Variants in GPC3 observed in about 807,000 individuals in gnomAD.
GPC3 encodes the protein glypican-3.
GPC3 carries 3 observed loss-of-function variants against 34.4 expected under a neutral mutation model. The observed-to-expected ratio is 0.09, with a 90% CI of 0.04 to 0.23. GPC3 has a LOEUF of 0.23. Among genes scored for constraint, GPC3 ranks in the 10% least tolerant of loss-of-function variants. GPC3 has a pLI of 1.00. For synonymous variants in GPC3, 177 were observed against 174.0 expected (o/e 1.02, Z -0.13); for missense variants, 351 against 445.6 (o/e 0.79, Z 1.91).
At chrX:133,909,992 A>G (rs1283346971) in intron 2 of GPC3, among the ~76,000 whole-genome samples, 2 of 111,858 alleles carry the variant, frequency 1.8e-5, no homozygotes, top group Non-Finnish European at 3.8e-5. Context: ...TACTATGCCC[A>G]AAATGATTAA....
chrX:133,823,174 G>GA (rs1350764005), intron 2 of GPC3, among the ~76,000 whole-genome samples: 1 of 57,142 alleles, frequency 1.8e-5, no homozygotes, highest in Admixed American at 2.1e-4. Flanking sequence ...AAACTGGCTG[G>GA]AAAAATGTCA....
intron 2 of GPC3, among the ~76,000 whole-genome samples, chrX:133,868,241 GCA>G (rs1419591862): frequency 8.9e-6 from 1 of 111,822 alleles, no homozygotes; most frequent in Admixed American, 9.5e-5. Context: ...AGAGCCCAAA[GCA>G]CTCACCCTAG....
intron 2 of GPC3, among the ~76,000 whole-genome samples, chrX:133,893,030 C>T (rs184681262): frequency 3.6e-5 from 4 of 111,336 alleles, no homozygotes; most frequent in African/African-American, 9.8e-5. Context: ...CCAAGGCGGG[C>T]GGATCATCTG....
chrX:133,668,183 A>T (rs2070788229), intron 5 of GPC3, among the ~76,000 whole-genome samples: 1 of 111,299 alleles, frequency 9.0e-6, no homozygotes, highest in Non-Finnish European at 1.9e-5. Flanking sequence ...CTGGGATTAT[A>T]GGCATGAGCC....
intron 6 of GPC3, among the ~76,000 whole-genome samples, chrX:133,622,251 C>T (rs1262910147): frequency 8.9e-6 from 1 of 112,050 alleles, no homozygotes; most frequent in Non-Finnish European, 1.9e-5. Context: ...CACCTCCTCT[C>T]CTCCAAAGGA....
At chrX:133,727,550 C>CAA (rs370410324) in intron 3 of GPC3, among the ~76,000 whole-genome samples, 2,269 of 99,455 alleles carry the variant, frequency 0.023, 72 homozygotes, top group African/African-American at 0.077. Context: ...AACACTGTCT[C>CAA]AAAAAAAAAA....
Position 133,559,754 on chromosome X carries a change from C to T in GPC3, c.1574-23461G>A, listed in dbSNP as rs17277749. Among the ~76,000 whole-genome samples the T allele has an allele frequency of 6.2e-3, 690 of 112,008 alleles. 10 individuals carry two copies. The East Asian group carries it at 0.086, about 14-fold the overall frequency. On this transcript the variant is annotated intron_variant, in intron 7 of 7. Transcript: ENST00000370818. ...TGTAAATAATACTTGTAAACTTTAA[C>T]GTGCTCCTCAAGCGTAAGATGTTAT... is the stretch of plus-strand genomic sequence containing the variant.
At chrX:133,868,684 C>G (rs985968795) in intron 2 of GPC3, among the ~76,000 whole-genome samples, 3 of 111,796 alleles carry the variant, frequency 2.7e-5, no homozygotes, top group African/African-American at 9.8e-5. Context: ...AGGATAAGAC[C>G]TCATGATAAT....
intron 2 of GPC3, among the ~76,000 whole-genome samples, chrX:133,775,576 T>C (rs1373485953): frequency 8.9e-6 from 1 of 111,779 alleles, no homozygotes; most frequent in African/African-American, 3.3e-5. Context: ...CAAAAATCTA[T>C]TTCAGTATAA....
chrX:133,630,218 A>C (rs1342773207), intron 6 of GPC3, among the ~76,000 whole-genome samples: 1 of 111,950 alleles, frequency 8.9e-6, no homozygotes, highest in East Asian at 2.8e-4. Context: ...TTGCTAATCA[A>C]ATGTTAATAA....
intron 2 of GPC3, among the ~76,000 whole-genome samples, chrX:133,821,527 G>A (rs1438743643): frequency 8.9e-6 from 1 of 111,793 alleles, no homozygotes; most frequent in Non-Finnish European, 1.9e-5. Flanking sequence ...GAGGTAAGCT[G>A]GGGCTATAGA....
intron 7 of GPC3, among the ~76,000 whole-genome samples, chrX:133,576,848 C>G (rs2069687978): frequency 9.2e-6 from 1 of 109,131 alleles, no homozygotes. Context: ...GGCTTCAGGA[C>G]AGAAGAATTG....
intron 3 of GPC3, chrX:133,704,279 A>T: frequency 1.1e-6 from 1 of 882,379 alleles, no homozygotes; most frequent in Non-Finnish European, 1.5e-6. Flanking sequence ...GTTTCCTTGA[A>T]AAAAAAAAAA....
intron 6 of GPC3, among the ~76,000 whole-genome samples, chrX:133,631,593 A>G (rs776088342): frequency 8.9e-6 from 1 of 111,830 alleles, no homozygotes; most frequent in South Asian, 3.7e-4. Context: ...TCTCTTGCAG[A>G]CCTTGCTCTC....
At chrX:133,817,082 C>T (rs2075695617) in intron 2 of GPC3, among the ~76,000 whole-genome samples, 2 of 111,900 alleles carry the variant, frequency 1.8e-5, no homozygotes, top group South Asian at 7.6e-4. Flanking sequence ...TCGCTGCAAA[C>T]TGGTTACTGA....
At chrX:133,942,768 G>A (rs1449365630) in intron 2 of GPC3, among the ~76,000 whole-genome samples, 3 of 111,401 alleles carry the variant, frequency 2.7e-5, no homozygotes, top group African/African-American at 9.8e-5. Context: ...TACTTTCAAG[G>A]TCTCACATAA....
intron 7 of GPC3, among the ~76,000 whole-genome samples, chrX:133,593,187 G>A (rs1055626350): frequency 9.3e-6 from 1 of 107,641 alleles, no homozygotes; most frequent in Non-Finnish European, 1.9e-5. Flanking sequence ...AATTAGCTGG[G>A]CGTGGTTGTG....
intron 1 of GPC3, among the ~76,000 whole-genome samples, chrX:133,967,716 CCT>C (rs1311066388): frequency 1.9e-4 from 21 of 112,262 alleles, no homozygotes; most frequent in Non-Finnish European, 2.8e-4. Flanking sequence ...GCAACCTCCA[CCT>C]CTCAAGCTCA....
chrX:133,683,625 T>C lies in GPC3; in HGVS notation c.1292+8744A>G, dbSNP rs371864447. 8.0e-5 allele frequency among the ~76,000 whole-genome samples: 9 copies of C among 112,147 alleles called. No homozygotes were observed. In the East Asian group the frequency reaches 2.0e-3, roughly 25 times the overall value. On this transcript the variant is annotated intron_variant, in intron 5 of 7. Transcript: ENST00000370818. ...TATCCAGTATTCAACAGGTTGTCTA[T>C]AGACATATCAATGTTGAGCCATGAA... is the stretch of plus-strand genomic sequence containing the variant.
Sources: gnomAD v4.1 joint callset for allele counts (sites outside exome capture counted in the v4.1 genomes callset) on GRCh38, gnomAD v4.1.1 for gene constraint, MANE v1.5 for transcripts, NCBI Gene and HGNC (gene_info 2026-07-23, HGNC 2026-07-21) for gene names.